Variants in SPMAP2L observed in about 807,000 individuals in gnomAD.
SPMAP2L encodes the protein sperm microtubule associated protein 2 like, also known as sperm microtubule associated protein 2-like.
At chr4:56,602,769 G>A in the SPMAP2L span, among the ~76,000 whole-genome samples, 1 of 152,122 alleles carries the variant, frequency 6.6e-6, no homozygotes, top group Non-Finnish European at 1.5e-5. Flanking sequence ...TTTTATCCTG[G>A]TGACAAAATT....
chr4:56,531,179 C>T, the SPMAP2L span: 2 of 1,517,336 alleles, frequency 1.3e-6, no homozygotes, highest in African/African-American at 2.7e-5. Flanking sequence ...GGTAGGTGTT[C>T]CCCTTCCCTC....
chr4:56,599,007 C>T, the SPMAP2L span, among the ~76,000 whole-genome samples: 1 of 152,080 alleles, frequency 6.6e-6, no homozygotes, highest in South Asian at 2.1e-4. Context: ...GCCTTTGCTC[C>T]TCCTTTGCCT....
chr4:56,575,323 TG>T, the SPMAP2L span, among the ~76,000 whole-genome samples: 70 of 152,306 alleles, frequency 4.6e-4, no homozygotes, highest in African/African-American at 1.6e-3. Context: ...AGAAGCCAGT[TG>T]AAAACTTGAT....
At chr4:56,589,252 G>A in the SPMAP2L span, among the ~76,000 whole-genome samples, 186 of 152,264 alleles carry the variant, frequency 1.2e-3, 1 homozygote, top group East Asian at 0.014. Context: ...GCCTCCCAAA[G>A]TGCTGGGATT....
At chr4:56,578,656 A>G in the SPMAP2L span, among the ~76,000 whole-genome samples, 1 of 152,208 alleles carries the variant, frequency 6.6e-6, no homozygotes, top group Admixed American at 6.5e-5. Flanking sequence ...ATGGAAAAAG[A>G]TATACCATGC....
At chr4:56,594,982 C>G in the SPMAP2L span, 1 of 1,607,724 alleles carries the variant, frequency 6.2e-7, no homozygotes, top group Non-Finnish European at 8.5e-7. Flanking sequence ...TAAGAAATAC[C>G]TTGCCCCGTT....
the SPMAP2L span, among the ~76,000 whole-genome samples, chr4:56,599,914 CATCACTGATCATTAGAGAG>C: frequency 1.3e-5 from 2 of 152,060 alleles, no homozygotes; most frequent in Non-Finnish European, 2.9e-5. Flanking sequence ...TAAAACTCAA[CATCACTGATCATTAGAGAG>C]ATGCAAATCA....
At chr4:56,534,417 C>G in the SPMAP2L span, among the ~76,000 whole-genome samples, 1 of 152,180 alleles carries the variant, frequency 6.6e-6, no homozygotes, top group Non-Finnish European at 1.5e-5. Flanking sequence ...TCCTCCTCTT[C>G]CCAGCCTTTA....
At chr4:56,617,977 G>A in the SPMAP2L span, among the ~76,000 whole-genome samples, 2 of 152,118 alleles carry the variant, frequency 1.3e-5, no homozygotes, top group African/African-American at 2.4e-5. Flanking sequence ...ACAACCAGCC[G>A]CTTATGTCTT....
chr4:56,559,514 C>T, the SPMAP2L span: 2 of 1,513,508 alleles, frequency 1.3e-6, no homozygotes, highest in Non-Finnish European at 1.8e-6. Flanking sequence ...CACTATGTAC[C>T]TAACAGGTTA....
the SPMAP2L span, among the ~76,000 whole-genome samples, chr4:56,556,561 C>T: frequency 6.6e-6 from 1 of 152,066 alleles, no homozygotes; most frequent in Non-Finnish European, 1.5e-5. Context: ...TGGGATTTGC[C>T]AGTATTTAGT....
the SPMAP2L span, among the ~76,000 whole-genome samples, chr4:56,537,542 ATTC>A: frequency 6.6e-6 from 1 of 152,212 alleles, no homozygotes; most frequent in African/African-American, 2.4e-5. Flanking sequence ...AAGAAAATCT[ATTC>A]TTCTTGCCTC....
the SPMAP2L span, among the ~76,000 whole-genome samples, chr4:56,585,207 T>C: frequency 6.6e-6 from 1 of 152,218 alleles, no homozygotes; most frequent in Non-Finnish European, 1.5e-5. Context: ...ATTTTCACTA[T>C]AATTCACCCA....
the SPMAP2L span, among the ~76,000 whole-genome samples, chr4:56,615,818 C>T: frequency 1.3e-5 from 2 of 152,122 alleles, no homozygotes; most frequent in Non-Finnish European, 2.9e-5. Flanking sequence ...CTTACAACCC[C>T]TGACCAGGCA....
At chr4:56,543,973 T>A in the SPMAP2L span, among the ~76,000 whole-genome samples, 6 of 127,188 alleles carry the variant, frequency 4.7e-5, no homozygotes, top group African/African-American at 1.9e-4. Context: ...TGTGTGTATG[T>A]GAGAGAGAGA....
At chr4:56,588,007 C>A in the SPMAP2L span, among the ~76,000 whole-genome samples, 5 of 152,194 alleles carry the variant, frequency 3.3e-5, no homozygotes, top group Admixed American at 1.3e-4. Flanking sequence ...TGATTACGGC[C>A]ATTCTTGCAG....
At chr4:56,623,554 C>G in the SPMAP2L span, among the ~76,000 whole-genome samples, 1 of 152,194 alleles carries the variant, frequency 6.6e-6, no homozygotes, top group Non-Finnish European at 1.5e-5. Context: ...TGTCCCCACT[C>G]AAATCTCAAC....
chr4:56,556,870 A>AT, the SPMAP2L span, among the ~76,000 whole-genome samples: 1 of 152,016 alleles, frequency 6.6e-6, no homozygotes, highest in African/African-American at 2.4e-5. Context: ...GAGAGACTCC[A>AT]TCTCTAAATA....
At chr4:56,602,183 A>G in the SPMAP2L span, among the ~76,000 whole-genome samples, 3 of 152,214 alleles carry the variant, frequency 2.0e-5, no homozygotes, top group African/African-American at 4.8e-5. Context: ...CCGAGCCTCA[A>G]TTAATTTTGT....
Sources: gnomAD v4.1 joint callset for allele counts (sites outside exome capture counted in the v4.1 genomes callset) on GRCh38, gnomAD v4.1.1 for gene constraint, MANE v1.5 for transcripts, NCBI Gene and HGNC (gene_info 2026-07-23, HGNC 2026-07-21) for gene names.